LMO7: variants seen among roughly 807,000 people sequenced by gnomAD.
LMO7 encodes the protein LIM domain only protein 7.
LMO7 carries 120 observed loss-of-function variants against 206.5 expected under a neutral mutation model. The ratio of observed to expected loss-of-function variants is 0.58; its 90% CI spans 0.50 to 0.68. The LOEUF is 0.68. LMO7 is among the 30% of genes least tolerant of loss of function. The pLI is 0.00. For synonymous variants in LMO7, 706 were observed against 681.5 expected, an observed-to-expected ratio of 1.04 and a Z score of -0.56; for missense variants, 1,959 against 1,957.9, an observed-to-expected ratio of 1.00 and a Z score of -0.01.
chr13:75,733,557 C>G (rs990609839), intron 3 of LMO7, among the ~76,000 whole-genome samples: 1 of 152,198 alleles, frequency 6.6e-6, no homozygotes, highest in Non-Finnish European at 1.5e-5. Context: ...GGAAAGGGAA[C>G]TCCCTGACCC....
chr13:75,817,475 G>GA (rs1286320968), intron 12 of LMO7, among the ~76,000 whole-genome samples, 197 bp downstream of exon 12: 1 of 151,718 alleles, frequency 6.6e-6, no homozygotes, highest in Non-Finnish European at 1.5e-5. Flanking sequence ...AGGCCATTGT[G>GA]AAAAATATAC....
chr13:75,637,044 G>C lies in LMO7; in HGVS notation c.69+318G>C, dbSNP rs550338904. ...AGCGCAGTCCGCCCTGGCTCGCCCG[G>C]GGCGTCTCTGCGGGGCACAGCCCAG... On this transcript the variant is annotated intron_variant, in intron 1 of 30. Coordinates refer to ENST00000377534, the MANE Select transcript of LMO7 (RefSeq NM_001306080.2). Among the ~76,000 whole-genome samples the C allele has an allele frequency of 3.3e-5, 5 of 152,298 alleles. No individual in the cohort carries two copies. The South Asian group carries it at 1.0e-3, about 32-fold the overall frequency.
rs376151834 is a variant in LMO7, at chr13:75,834,276, A to G, written c.3115A>G (p.Ile1039Val). The G allele has an allele frequency of 1.5e-5, 24 of 1,610,850 alleles. No individual in the cohort carries two copies. Among genetic ancestry groups the G allele is most frequent in the African/African-American group, 6.7e-5 (5 of 74,734 alleles). The change falls in exon 17 of 31, where the codon ATT becomes GTT. Residue 1039 changes from isoleucine (I) to valine (V), a missense_variant. Ile to Val is a conservative substitution (Grantham distance 29). Coordinates refer to ENST00000377534, the MANE Select transcript of LMO7 (RefSeq NM_001306080.2). ...QLQVDDEIIA[I>V]NNTKFSYNDS... ...ACAAGTAGATGATGAAATTATTGCT[A>G]TTAACAACACCAAGTTTTCATATAA...
At chr13:75,624,620 G>T (rs573182959) in intron 2 of LMO7, among the ~76,000 whole-genome samples, 9 of 152,334 alleles carry the variant, frequency 5.9e-5, no homozygotes, top group Admixed American at 2.0e-4. Context: ...ACAGTGCCAC[G>T]TGGCTGGGGA....
At chr13:75,769,878 A>G (rs1254878269) in intron 4 of LMO7, among the ~76,000 whole-genome samples, 1 of 152,112 alleles carries the variant, frequency 6.6e-6, no homozygotes, top group Non-Finnish European at 1.5e-5. Context: ...TCTGTATTCT[A>G]TTTAATTTAC....
At chr13:75,661,075 A>G (rs1030272487) in intron 1 of LMO7, among the ~76,000 whole-genome samples, 2 of 152,210 alleles carry the variant, frequency 1.3e-5, no homozygotes, top group Non-Finnish European at 2.9e-5. Context: ...TATCTCCAGC[A>G]GTAATTCTTC....
chr13:75,681,736 A>G (rs4884014), intron 1 of LMO7, among the ~76,000 whole-genome samples: 35,693 of 133,172 alleles, frequency 0.27, 5,864 homozygotes, highest in East Asian at 0.53. Flanking sequence ...ATATATATAT[A>G]TATATATATA....
intron 4 of LMO7, among the ~76,000 whole-genome samples, chr13:75,783,352 G>A (rs7992526): frequency 0.39 from 59,436 of 151,864 alleles, 12,157 homozygotes; most frequent in East Asian, 0.59. Flanking sequence ...ACAGAGTCTC[G>A]CTCTGTTGCC....
intron 3 of LMO7, among the ~76,000 whole-genome samples, chr13:75,738,625 A>C (rs2046159485): frequency 6.6e-6 from 1 of 152,168 alleles, no homozygotes; most frequent in Non-Finnish European, 1.5e-5. Flanking sequence ...CAAGAGTTTG[A>C]GTCTTCCAGA....
chr13:75,843,067 C>CAAAA, intron 25 of LMO7, 151 bp downstream of exon 25: 1 of 624,828 alleles, frequency 1.6e-6, no homozygotes. Context: ...TATCAGTTAG[C>CAAAA]TTTTGCTGTG....
chr13:75,648,077 A>G (rs1214990541), intron 1 of LMO7, among the ~76,000 whole-genome samples: 2 of 147,758 alleles, frequency 1.4e-5, no homozygotes, highest in African/African-American at 2.5e-5. Flanking sequence ...CCTCCTGAGT[A>G]GCTGGGGCTA....
intron 4 of LMO7, among the ~76,000 whole-genome samples, chr13:75,771,952 A>G (rs1398817321): frequency 6.6e-6 from 1 of 152,048 alleles, no homozygotes; most frequent in Non-Finnish European, 1.5e-5. Context: ...AACAGGTGAT[A>G]AGCATAGCAC....
At chr13:75,818,432 G>A (rs1239889396) in intron 12 of LMO7, among the ~76,000 whole-genome samples, 1 of 152,120 alleles carries the variant, frequency 6.6e-6, no homozygotes, top group African/African-American at 2.4e-5. Flanking sequence ...CTTCTGTTTG[G>A]ACTGGAATGC....
chr13:75,771,352 T>C (rs1349473868), intron 4 of LMO7, among the ~76,000 whole-genome samples: 4 of 152,102 alleles, frequency 2.6e-5, no homozygotes, highest in East Asian at 3.9e-4. Context: ...GATAAGTGTA[T>C]GTAGATGCCT....
At chr13:75,840,317 A>G in intron 21 of LMO7, 74 bp from the exon 22 acceptor site, 1 of 1,539,502 alleles carries the variant, frequency 6.5e-7, no homozygotes, top group Non-Finnish European at 9.0e-7. Flanking sequence ...TTATGTGTGC[A>G]AAAGTGGTTC....
intron 1 of LMO7, among the ~76,000 whole-genome samples, chr13:75,698,519 G>C (rs137973992): frequency 0.017 from 2,593 of 151,748 alleles, 27 homozygotes; most frequent in Middle Eastern, 0.031. Context: ...GGAACTCCTG[G>C]CTTCAAGTGA....
chr13:75,805,334 C>T (rs2055303435), intron 8 of LMO7, 145 bp from the exon 9 acceptor site: 13 of 989,522 alleles, frequency 1.3e-5, no homozygotes, highest in Non-Finnish European at 1.8e-5. Flanking sequence ...ATAACTTTGT[C>T]CTAGGAGCTG....
At chr13:75,807,396 C>G in intron 9 of LMO7, 84 bp from the exon 10 acceptor site, 1 of 1,420,232 alleles carries the variant, frequency 7.0e-7, no homozygotes, top group Non-Finnish European at 9.5e-7. Context: ...GTCTGCTAAT[C>G]ACCTTTGGCT....
chr13:75,738,405 T>A (rs991788723), intron 3 of LMO7, among the ~76,000 whole-genome samples: 5 of 152,206 alleles, frequency 3.3e-5, no homozygotes, highest in Non-Finnish European at 7.3e-5. Flanking sequence ...GATGTTAAGA[T>A]GGTTTGGAAA....
Sources: allele counts gnomAD v4.1 joint callset (sites outside exome capture counted in the v4.1 genomes callset), GRCh38; gene constraint gnomAD v4.1.1; transcripts MANE v1.5; gene names NCBI Gene and HGNC (gene_info 2026-07-23, HGNC 2026-07-21).